Variants in ERC2 observed in about 807,000 individuals in gnomAD.
ERC2 encodes the protein ELKS/RAB6-interacting/CAST family member 2, also known as ERC protein 2.
ERC2 carries 42 observed loss-of-function variants against 114.8 expected under a neutral mutation model. That is an observed-to-expected ratio of 0.37 (90% CI 0.29 to 0.47). The LOEUF (loss-of-function observed/expected upper bound fraction) is 0.47. ERC2 is among the 20% of genes least tolerant of loss of function. The pLI, the probability that ERC2 is intolerant of heterozygous loss-of-function variation, is 0.99. For synonymous variants in ERC2, 454 were observed against 425.5 expected (o/e 1.07, Z -0.82); for missense variants, 939 against 1,150.7 (o/e 0.82, Z 2.66).
At chr3:55,546,304 G>A (rs1247993711) in intron 17 of ERC2, among the ~76,000 whole-genome samples, 1 of 152,156 alleles carries the variant, frequency 6.6e-6, no homozygotes, top group Non-Finnish European at 1.5e-5. Context: ...TCCTCCGGGA[G>A]CACTGTCCCC....
chr3:55,832,430 C>G (rs577206617), intron 14 of ERC2, among the ~76,000 whole-genome samples: 1 of 152,356 alleles, frequency 6.6e-6, no homozygotes, highest in Admixed American at 6.5e-5. Flanking sequence ...AACGATCAGA[C>G]AGCAGCATTC....
intron 14 of ERC2, among the ~76,000 whole-genome samples, chr3:55,833,961 T>G (rs1207561217): frequency 1.3e-5 from 2 of 151,644 alleles, no homozygotes; most frequent in South Asian, 2.1e-4. Context: ...GTTGCAATCC[T>G]AGTCTCTGAT....
intron 2 of ERC2, among the ~76,000 whole-genome samples, chr3:56,388,150 G>A (rs548440438): frequency 2.0e-5 from 3 of 152,252 alleles, no homozygotes; most frequent in Admixed American, 6.5e-5. Context: ...ATACAATGGT[G>A]ATACAGTTTG....
chr3:56,237,858 C>G (rs1166789479), intron 3 of ERC2, among the ~76,000 whole-genome samples: 2 of 149,898 alleles, frequency 1.3e-5, no homozygotes, highest in African/African-American at 4.9e-5. Context: ...GAATTATACC[C>G]TATTTAAATG....
At chr3:55,855,582 C>T (rs1414279210) in intron 14 of ERC2, among the ~76,000 whole-genome samples, 1 of 152,178 alleles carries the variant, frequency 6.6e-6, no homozygotes, top group Non-Finnish European at 1.5e-5. Flanking sequence ...CATATCACAT[C>T]CTGTGGAAGT....
At chr3:56,381,394 G>C (rs537733278) in intron 2 of ERC2, among the ~76,000 whole-genome samples, 1 of 152,004 alleles carries the variant, frequency 6.6e-6, no homozygotes, top group Non-Finnish European at 1.5e-5. Context: ...TATAGAATCT[G>C]CACGTACAAA....
intron 10 of ERC2, among the ~76,000 whole-genome samples, chr3:56,003,501 C>G (rs1449505252): frequency 6.6e-6 from 1 of 152,046 alleles, no homozygotes; most frequent in African/African-American, 2.4e-5. Flanking sequence ...AATTTATTAC[C>G]TGAACTTCAA....
At chr3:55,654,878 C>T (rs1194731059) in intron 17 of ERC2, among the ~76,000 whole-genome samples, 1 of 152,204 alleles carries the variant, frequency 6.6e-6, no homozygotes, top group Non-Finnish European at 1.5e-5. Flanking sequence ...GCCTGTCTCT[C>T]ATTGACACTG....
intron 13 of ERC2, among the ~76,000 whole-genome samples, chr3:55,896,821 T>A (rs1014467739): frequency 1.3e-5 from 2 of 152,252 alleles, no homozygotes; most frequent in African/African-American, 4.8e-5. Flanking sequence ...TGATTTAGCT[T>A]AATCAATTAC....
In ERC2 at chr3:55,626,057, C is replaced by T. The variant is rs533248022; in HGVS notation, c.*39+57737G>A. Among the ~76,000 whole-genome samples, 149 of 152,300 alleles carry T rather than the reference C, an allele frequency of 9.8e-4. 1 individual carries two copies. Among genetic ancestry groups the T allele is most frequent in the Admixed American group, 1.7e-3 (26 of 15,310 alleles). On this transcript the variant is annotated intron_variant, in intron 17 of 17. Transcript: ENST00000288221. ...CTGAAAAATGTTTCTCAGCTACTTT[C>T]GCTTCCCAGAGTCCATCTTGCACAA...
chr3:56,293,569 A>G (rs1342800751), intron 3 of ERC2, among the ~76,000 whole-genome samples: 2 of 152,198 alleles, frequency 1.3e-5, no homozygotes, highest in Non-Finnish European at 2.9e-5. Flanking sequence ...CAGGCCTTCA[A>G]GTCTTGTTTG....
chr3:55,749,754 A>G (rs538646119), intron 14 of ERC2, among the ~76,000 whole-genome samples: 1 of 152,130 alleles, frequency 6.6e-6, no homozygotes, highest in Non-Finnish European at 1.5e-5. Flanking sequence ...GCGGCAACCC[A>G]CTTGGGTCCC....
At chr3:56,377,990 G>A (rs1301258464) in intron 2 of ERC2, among the ~76,000 whole-genome samples, 1 of 152,148 alleles carries the variant, frequency 6.6e-6, no homozygotes, top group African/African-American at 2.4e-5. Flanking sequence ...TTTTTATCCT[G>A]AGTCACCAGA....
At chr3:55,850,725 T>C (rs1256538850) in intron 14 of ERC2, among the ~76,000 whole-genome samples, 3 of 152,070 alleles carry the variant, frequency 2.0e-5, no homozygotes, top group Admixed American at 6.6e-5. Context: ...ACATCACTAA[T>C]TGATCACAGA....
chr3:55,867,649 C>G (rs966196331), intron 14 of ERC2, among the ~76,000 whole-genome samples: 1 of 152,102 alleles, frequency 6.6e-6, no homozygotes, highest in African/African-American at 2.4e-5. Flanking sequence ...AATGTCAAGT[C>G]TTTTTCTTGA....
chr3:55,883,438 T>C (rs2063203431), intron 14 of ERC2, among the ~76,000 whole-genome samples: 1 of 152,186 alleles, frequency 6.6e-6, no homozygotes, highest in African/African-American at 2.4e-5. Flanking sequence ...TATAAAAGGA[T>C]AGTACCAGAG....
chr3:56,147,937 A>G (rs537657605), intron 5 of ERC2, among the ~76,000 whole-genome samples: 2 of 152,320 alleles, frequency 1.3e-5, no homozygotes, highest in South Asian at 4.1e-4. Flanking sequence ...TTGAAAAAAT[A>G]CAATCCAAAA....
intron 10 of ERC2, among the ~76,000 whole-genome samples, chr3:55,996,476 T>A (rs1358841536): frequency 6.6e-6 from 1 of 152,222 alleles, no homozygotes; most frequent in Non-Finnish European, 1.5e-5. Context: ...AGGTATCCGA[T>A]TCTGCTCAAA....
chr3:56,296,214 C>G lies in ERC2; in HGVS notation c.879G>C (p.Thr293=). 6.2e-7 allele frequency: 1 copy of G among 1,613,958 alleles called. No homozygotes were observed. The highest frequency in any genetic ancestry group is 8.5e-7 in the Non-Finnish European group (1 of 1,179,874). The change falls in exon 3 of 18, where the codon ACG becomes ACC. Residue 293 remains threonine, a synonymous_variant. Transcript: ENST00000288221. The part of the protein sequence containing the change: ...TLEEMELRIE[T]QKQTLNARDE... The stretch of plus-strand genomic sequence containing the variant: ...CTCGGGCATTGAGGGTTTGTTTCTG[C>G]GTTTCAATTCTCAGCTCCATTTCCT...
Sources: allele counts gnomAD v4.1 joint callset (sites outside exome capture counted in the v4.1 genomes callset), GRCh38; gene constraint gnomAD v4.1.1; transcripts MANE v1.5; gene names NCBI Gene and HGNC (gene_info 2026-07-23, HGNC 2026-07-21).